C1orf21: variants seen among roughly 807,000 people sequenced by gnomAD.
C1orf21 encodes chromosome 1 open reading frame 21, also known as uncharacterized protein C1orf21.
C1orf21 carries 3 observed loss-of-function variants against 18.7 expected under a neutral mutation model. The observed-to-expected ratio is 0.16, with a 90% CI of 0.07 to 0.42. The LOEUF (loss-of-function observed/expected upper bound fraction) is 0.42, where lower values mean the gene tolerates loss of function less well. C1orf21 is among the 10% of genes least tolerant of loss of function. C1orf21 has a pLI of 0.99. For missense variants in C1orf21, 104 were observed against 143.6 expected (o/e 0.72, Z 1.41); for synonymous variants, 41 against 46.4 (o/e 0.88, Z 0.47).
chr1:184,514,312 A>G (rs2101966644), intron 3 of C1orf21, among the ~76,000 whole-genome samples: 1 of 152,298 alleles, frequency 6.6e-6, no homozygotes, highest in Non-Finnish European at 1.5e-5. Flanking sequence ...CTCTAAAAAG[A>G]GGAAATACAC....
chr1:184,483,739 T>G (rs1362158326), intron 2 of C1orf21, among the ~76,000 whole-genome samples: 1 of 152,204 alleles, frequency 6.6e-6, no homozygotes, highest in Non-Finnish European at 1.5e-5. Context: ...CTGTTTTTAC[T>G]TCTTCATTTT....
At chr1:184,487,027 C>A (rs952418899) in intron 2 of C1orf21, among the ~76,000 whole-genome samples, 3 of 152,248 alleles carry the variant, frequency 2.0e-5, no homozygotes, top group African/African-American at 7.2e-5. Context: ...GAGCTGCAGG[C>A]AAGGCCTGCT....
chr1:184,399,929 A>G (rs1459819179), intron 1 of C1orf21, among the ~76,000 whole-genome samples: 1 of 152,210 alleles, frequency 6.6e-6, no homozygotes, highest in Non-Finnish European at 1.5e-5. Flanking sequence ...ATGTAGGAAA[A>G]TTGATGCTTG....
At chr1:184,428,813 A>C (rs956388654) in intron 1 of C1orf21, among the ~76,000 whole-genome samples, 1 of 152,110 alleles carries the variant, frequency 6.6e-6, no homozygotes, top group Non-Finnish European at 1.5e-5. Flanking sequence ...GCTGGGTCTG[A>C]GCTGAACCTG....
intron 3 of C1orf21, among the ~76,000 whole-genome samples, chr1:184,563,516 A>G: frequency 6.6e-6 from 1 of 152,224 alleles, no homozygotes; most frequent in East Asian, 1.9e-4. Flanking sequence ...TCCCCCTAGC[A>G]TACATAATTT....
intron 3 of C1orf21, among the ~76,000 whole-genome samples, chr1:184,589,403 G>T (rs570250559): frequency 6.6e-6 from 1 of 152,198 alleles, no homozygotes; most frequent in Non-Finnish European, 1.5e-5. Context: ...CTCATGAAGT[G>T]CCAGGCCCCT....
intron 3 of C1orf21, among the ~76,000 whole-genome samples, chr1:184,548,109 G>C (rs1190127185): frequency 6.6e-6 from 1 of 152,026 alleles, no homozygotes; most frequent in African/African-American, 2.4e-5. Context: ...TGGTACCCTA[G>C]GCTGTGTGAT....
intron 5 of C1orf21, among the ~76,000 whole-genome samples, chr1:184,616,948 A>C (rs1400500755): frequency 6.6e-6 from 1 of 152,168 alleles, no homozygotes; most frequent in Non-Finnish European, 1.5e-5. Context: ...TGGGAGGAAG[A>C]GTTCCCTGAC....
In C1orf21 at chr1:184,538,692, C is replaced by A. The variant is rs142489845; in HGVS notation, c.189+31010C>A. On this transcript the variant is annotated intron_variant, in intron 3 of 5. Transcript: ENST00000235307. ...GCATATTGGTGTCCAGTTTTTCCAG[C>A]ACCATTTGTTGGAAAGACTCTCTTT... 1.6e-3 allele frequency among the ~76,000 whole-genome samples: 248 copies of A among 152,264 alleles called. 1 individual carries two copies. Among genetic ancestry groups the A allele is most frequent in the Non-Finnish European group, 2.5e-3 (173 of 68,012 alleles).
intron 2 of C1orf21, among the ~76,000 whole-genome samples, chr1:184,492,509 A>G (rs1453558766): frequency 6.6e-6 from 1 of 152,236 alleles, no homozygotes; most frequent in Admixed American, 6.5e-5. Flanking sequence ...CAGCTATTAA[A>G]AGCTTTATGG....
chr1:184,587,524 TTGTGTGTGTG>T (rs3034486), intron 3 of C1orf21, among the ~76,000 whole-genome samples: 5,998 of 139,664 alleles, frequency 0.043, 378 homozygotes, highest in African/African-American at 0.13. Context: ...TTCCTAGGAA[TTGTGTGTGTG>T]TGTGTGTGTG....
At chr1:184,418,952 G>T (rs539532409) in intron 1 of C1orf21, among the ~76,000 whole-genome samples, 30 of 152,204 alleles carry the variant, frequency 2.0e-4, no homozygotes, top group South Asian at 8.3e-4. Flanking sequence ...CTTCTTTTTT[G>T]TGTGTGTATA....
intron 1 of C1orf21, among the ~76,000 whole-genome samples, chr1:184,393,743 A>G (rs1036772784): frequency 3.3e-5 from 5 of 152,248 alleles, no homozygotes; most frequent in Non-Finnish European, 5.9e-5. Context: ...GATTTTCATA[A>G]TAGCACCAAA....
At chr1:184,514,305 T>TAA (rs1658192825) in intron 3 of C1orf21, among the ~76,000 whole-genome samples, 2 of 152,212 alleles carry the variant, frequency 1.3e-5, no homozygotes, top group South Asian at 4.2e-4. Flanking sequence ...ACCCTGTCTC[T>TAA]AAAAAGAGGA....
In C1orf21 at chr1:184,624,999, C is replaced by A. The variant is rs990930043; in HGVS notation, c.*5443C>A. 7 of 152,218 alleles carry A rather than the reference C, an allele frequency of 4.6e-5. No individual in the cohort carries two copies. Among genetic ancestry groups the A allele is most frequent in the African/African-American group, 1.7e-4 (7 of 41,450 alleles). The allele number at this position is 152,218 out of a possible 1,614,324, so 9.4% of individuals were successfully genotyped here. A position where few individuals can be genotyped will look rare whatever the true frequency, so the allele number is the denominator to read the frequency against. On this transcript the variant is annotated 3_prime_UTR_variant, in exon 6 of 6. Coordinates refer to ENST00000235307, the MANE Select transcript of C1orf21 (RefSeq NM_030806.4). ...TCCTTTGAAATCTGGCCCCCAAGAT[C>A]CTGCTTCTTTCTAACCTGGCAGCTG...
intron 3 of C1orf21, among the ~76,000 whole-genome samples, chr1:184,516,053 T>G (rs1352886865): frequency 2.6e-5 from 4 of 152,200 alleles, no homozygotes; most frequent in African/African-American, 9.7e-5. Context: ...CCTCAAGTGA[T>G]CCACCTGCCT....
intron 3 of C1orf21, among the ~76,000 whole-genome samples, chr1:184,588,617 G>A (rs568489098): frequency 1.4e-4 from 22 of 152,228 alleles, no homozygotes; most frequent in African/African-American, 1.9e-4. Context: ...GTACCCAACC[G>A]TGAGAGGTAT....
intron 2 of C1orf21, among the ~76,000 whole-genome samples, chr1:184,491,590 A>G (rs193182199): frequency 1.3e-5 from 2 of 152,188 alleles, no homozygotes; most frequent in Non-Finnish European, 2.9e-5. Flanking sequence ...GAGCTCAAGC[A>G]ATCTGCCCAC....
chr1:184,575,032 G>A (rs961432308), intron 3 of C1orf21, among the ~76,000 whole-genome samples: 4 of 152,234 alleles, frequency 2.6e-5, no homozygotes, highest in Admixed American at 6.5e-5. Context: ...GAAGAAACTC[G>A]GGGCTCAACA....
Sources: allele counts gnomAD v4.1 joint callset (sites outside exome capture counted in the v4.1 genomes callset), GRCh38; gene constraint gnomAD v4.1.1; transcripts MANE v1.5; gene names NCBI Gene and HGNC (gene_info 2026-07-23, HGNC 2026-07-21).